The following RABL3 variants were observed in gnomAD, a reference collection of about 807,000 sequenced individuals.
RABL3 encodes the protein RAB, member of RAS oncogene family like 3.
Under a neutral mutation model 31.8 loss-of-function variants are expected in RABL3, and 31 were observed. The observed-to-expected ratio is 0.97, with a 90% CI of 0.73 to 1.31. The LOEUF (loss-of-function observed/expected upper bound fraction) is 1.31, where lower values mean the gene tolerates loss of function less well. RABL3 is among the 40% of genes most tolerant of loss of function. The probability of loss-of-function intolerance (pLI) is 0.00; values close to 1 mark genes in which losing one functional copy is unlikely to be tolerated. For missense variants in RABL3, 263 were observed against 279.6 expected (o/e 0.94, Z 0.42); for synonymous variants, 97 against 99.9 (o/e 0.97, Z 0.18).
intron 2 of RABL3, among the ~76,000 whole-genome samples, chr3:120,724,655 C>T (rs1708794621): frequency 6.6e-6 from 1 of 152,118 alleles, no homozygotes; most frequent in South Asian, 2.1e-4. Flanking sequence ...CACATAACTA[C>T]AACATCTGAT....
intron 2 of RABL3, among the ~76,000 whole-genome samples, chr3:120,724,446 AC>A (rs1708790989): frequency 6.6e-6 from 1 of 151,864 alleles, no homozygotes. Context: ...TTGGAAAAAA[AC>A]TACTTTAAAG....
At chr3:120,717,117 G>T (rs764470382) in intron 2 of RABL3, among the ~76,000 whole-genome samples, 1 of 151,984 alleles carries the variant, frequency 6.6e-6, no homozygotes, top group African/African-American at 2.4e-5. Context: ...TTAGCCAGGC[G>T]TGGTGGTGGG....
chr3:120,741,452 T>C (rs1262652464), intron 1 of RABL3, among the ~76,000 whole-genome samples: 1 of 152,222 alleles, frequency 6.6e-6, no homozygotes, highest in South Asian at 2.1e-4. Context: ...CCTCCAAGCA[T>C]CTAGCACAAC....
chr3:120,703,279 CA>C (rs1214396256), intron 4 of RABL3, among the ~76,000 whole-genome samples: 1 of 152,006 alleles, frequency 6.6e-6, no homozygotes, highest in East Asian at 1.9e-4. Context: ...AGCTAGAAGT[CA>C]ATAGCAAAAA....
At chr3:120,725,214 C>A (rs1481818118) in intron 2 of RABL3, among the ~76,000 whole-genome samples, 1 of 152,172 alleles carries the variant, frequency 6.6e-6, no homozygotes, top group African/African-American at 2.4e-5. Flanking sequence ...CATCACTGGC[C>A]ATCAGAGAAA....
At position 120,730,790 on chromosome 3, in the gene RABL3, G is replaced by GT. The variant is rs1708874013; in HGVS notation, c.47-4dup. On this transcript the variant is annotated splice_polypyrimidine_tract_variant and splice_region_variant and intron_variant, in intron 1 of 7. Coordinates refer to ENST00000273375, the MANE Select transcript of RABL3 (RefSeq NM_173825.5). Reference sequence around the variant, plus strand: ...GACTAACGAAGATTTCCCAACACCTGTAAGAGATACAAGAACTCTAGTCAC... The same window carrying GT: ...GACTAACGAAGATTTCCCAACACCTGTTAAGAGATACAAGAACTCTAGTCAC... 6.2e-7 allele frequency: 1 copy of GT among 1,601,268 alleles called. No individual in the cohort carries two copies. Among genetic ancestry groups the GT allele is most frequent in the African/African-American group, 1.3e-5 (1 of 74,622 alleles).
At chr3:120,742,345 G>C (rs1352667249) in intron 1 of RABL3, 117 bp downstream of exon 1, 9 of 947,914 alleles carry the variant, frequency 9.5e-6, no homozygotes, top group Non-Finnish European at 1.5e-5. Flanking sequence ...TTCAGGCCCT[G>C]GGAGGGACTT....
chr3:120,733,205 C>T (rs1190353540), intron 1 of RABL3, among the ~76,000 whole-genome samples: 1 of 152,172 alleles, frequency 6.6e-6, no homozygotes, highest in African/African-American at 2.4e-5. Flanking sequence ...CCTATTTCTC[C>T]ACATCCTCTC....
chr3:120,735,862 A>G (rs1708954605), intron 1 of RABL3, among the ~76,000 whole-genome samples: 1 of 150,122 alleles, frequency 6.7e-6, no homozygotes, highest in Admixed American at 6.6e-5. Context: ...GTTTTGAGTG[A>G]GTTTCTCAAT....
At chr3:120,736,672 A>G (rs6764408) in intron 1 of RABL3, among the ~76,000 whole-genome samples, 69,494 of 149,234 alleles carry the variant, frequency 0.47, 16,702 homozygotes, top group Non-Finnish European at 0.57. Flanking sequence ...GGCTGGTACC[A>G]GTTGTTCCTT....
intron 5 of RABL3, 49 bp from the exon 6 acceptor site, chr3:120,694,273 CT>C: frequency 7.9e-7 from 1 of 1,273,494 alleles, no homozygotes; most frequent in South Asian, 1.2e-5. Flanking sequence ...GAAACCCAAG[CT>C]CGTTGCTATT....
At chr3:120,700,378 G>A (rs900644356) in intron 4 of RABL3, among the ~76,000 whole-genome samples, 1 of 152,020 alleles carries the variant, frequency 6.6e-6, no homozygotes, top group African/African-American at 2.4e-5. Context: ...ACAATACAGG[G>A]AGACAATCAG....
intron 2 of RABL3, among the ~76,000 whole-genome samples, chr3:120,729,840 A>T (rs1708861765): frequency 6.6e-6 from 1 of 152,156 alleles, no homozygotes; most frequent in African/African-American, 2.4e-5. Context: ...AAATGAGGCA[A>T]GACAGATAAT....
chr3:120,721,296 G>A (rs1250818230), intron 2 of RABL3, among the ~76,000 whole-genome samples: 1 of 152,114 alleles, frequency 6.6e-6, no homozygotes, highest in African/African-American at 2.4e-5. Flanking sequence ...AAAATAACCA[G>A]CTAACATTAT....
intron 2 of RABL3, among the ~76,000 whole-genome samples, chr3:120,715,644 T>C (rs1471855580): frequency 6.6e-6 from 1 of 152,182 alleles, no homozygotes; most frequent in Non-Finnish European, 1.5e-5. Flanking sequence ...CTTGTTTAAC[T>C]GAGGAGCTAG....
At chr3:120,722,187 T>A (rs1244537457) in intron 2 of RABL3, 1 of 152,164 alleles carries the variant, frequency 6.6e-6, no homozygotes, top group Non-Finnish European at 1.5e-5. Flanking sequence ...ATAATTTTCA[T>A]AACCTGAGAG....
intron 1 of RABL3, among the ~76,000 whole-genome samples, chr3:120,739,547 T>A (rs756577695): frequency 1.3e-4 from 20 of 152,222 alleles, no homozygotes; most frequent in Non-Finnish European, 2.5e-4. Flanking sequence ...TTTAGTGTCA[T>A]TAATTTATAT....
intron 2 of RABL3, among the ~76,000 whole-genome samples, chr3:120,727,394 A>G (rs1708835108): frequency 6.6e-6 from 1 of 152,164 alleles, no homozygotes; most frequent in Non-Finnish European, 1.5e-5. Flanking sequence ...CAAAAACATA[A>G]ACTACCAAAA....
At chr3:120,703,600 T>C (rs1320099051) in intron 4 of RABL3, among the ~76,000 whole-genome samples, 6 of 151,720 alleles carry the variant, frequency 4.0e-5, no homozygotes, top group Non-Finnish European at 1.5e-5. Context: ...GGAAAAACAA[T>C]AGAGAAAAAT....
Sources: gnomAD v4.1 joint callset for allele counts (sites outside exome capture counted in the v4.1 genomes callset) on GRCh38, gnomAD v4.1.1 for gene constraint, MANE v1.5 for transcripts, NCBI Gene and HGNC (gene_info 2026-07-23, HGNC 2026-07-21) for gene names.